Variants in CLYBL observed in about 807,000 individuals in gnomAD.
CLYBL encodes the protein citramalyl-CoA lyase, mitochondrial.
In CLYBL, 31 loss-of-function variants were observed where a neutral mutation model predicts 38.9. That is an observed-to-expected ratio of 0.80 (90% CI 0.60 to 1.08). The LOEUF is 1.08. CLYBL is among the 50% of genes least tolerant of loss of function. The pLI is 0.00. For missense variants in CLYBL, 434 were observed against 411.6 expected, an observed-to-expected ratio of 1.05 and a Z score of -0.47; for synonymous variants, 171 against 158.6, an observed-to-expected ratio of 1.08 and a Z score of -0.59.
intron 1 of CLYBL, among the ~76,000 whole-genome samples, chr13:99,639,050 G>C (rs986038235): frequency 6.6e-6 from 1 of 152,168 alleles, no homozygotes; most frequent in African/African-American, 2.4e-5. Flanking sequence ...TTAGGTCTGA[G>C]TCAACTGCAT....
intron 1 of CLYBL, among the ~76,000 whole-genome samples, chr13:99,626,958 T>C (rs78034703): frequency 0.04 from 6,085 of 150,400 alleles, 443 homozygotes; most frequent in African/African-American, 0.14. Context: ...TCTGCAGTTA[T>C]GACTCATCTA....
At chr13:99,665,599 A>C (rs934557259) in intron 1 of CLYBL, among the ~76,000 whole-genome samples, 13 of 152,064 alleles carry the variant, frequency 8.5e-5, no homozygotes, top group Admixed American at 3.9e-4. Context: ...AAAAAAAAAA[A>C]CCCAAAACTC....
chr13:99,610,693 A>C (rs2046612837), intron 1 of CLYBL, among the ~76,000 whole-genome samples: 1 of 152,190 alleles, frequency 6.6e-6, no homozygotes, highest in African/African-American at 2.4e-5. Flanking sequence ...TTAGCTAGAC[A>C]TGAGCACTTA....
At chr13:99,693,240 G>A (rs543621736) in intron 1 of CLYBL, among the ~76,000 whole-genome samples, 106 of 152,192 alleles carry the variant, frequency 7.0e-4, no homozygotes, top group African/African-American at 2.5e-3. Context: ...AGTTTCTTGA[G>A]ACAGGGATTA....
intron 1 of CLYBL, among the ~76,000 whole-genome samples, chr13:99,755,371 C>T (rs2138711984): frequency 6.6e-6 from 1 of 152,280 alleles, no homozygotes; most frequent in African/African-American, 2.4e-5. Flanking sequence ...TGATGCCGTA[C>T]TAATGGTCAG....
chr13:99,732,257 C>T (rs1040354900), intron 1 of CLYBL, among the ~76,000 whole-genome samples: 2 of 146,170 alleles, frequency 1.4e-5, no homozygotes, highest in African/African-American at 5.1e-5. Flanking sequence ...ACACGATTCA[C>T]TGCAGCCTCA....
At chr13:99,777,280 A>G (rs2049538073) in intron 2 of CLYBL, among the ~76,000 whole-genome samples, 1 of 152,156 alleles carries the variant, frequency 6.6e-6, no homozygotes, top group Non-Finnish European at 1.5e-5. Context: ...TTTTCATCAA[A>G]TGCCTTTTCA....
chr13:99,876,091 T>TA (rs1555323535), intron 7 of CLYBL, among the ~76,000 whole-genome samples: 10 of 149,064 alleles, frequency 6.7e-5, no homozygotes, highest in African/African-American at 2.5e-4. Flanking sequence ...TTTTTTTTTT[T>TA]AGTGGCAAAT....
chr13:99,870,565 A>G (rs1047126556), intron 6 of CLYBL, among the ~76,000 whole-genome samples: 2 of 152,180 alleles, frequency 1.3e-5, no homozygotes, highest in African/African-American at 4.8e-5. Flanking sequence ...ATTTTTTTCT[A>G]CTTCAACTCA....
At chr13:99,623,551 A>G (rs2139210554) in intron 1 of CLYBL, among the ~76,000 whole-genome samples, 1 of 152,042 alleles carries the variant, frequency 6.6e-6, no homozygotes, top group East Asian at 1.9e-4. Context: ...GAAGGCAAAC[A>G]CCCATGGGCT....
In CLYBL at chr13:99,770,719, T is replaced by C. The variant is rs1594171349; in HGVS notation, c.63-2105T>C. ...GCGCCCGGCCGGGTTTTAACTTTTC[T>C]TAACTGGCAGTTATTTTTTTTGAGA... On this transcript the variant is annotated intron_variant, in intron 1 of 8. Coordinates refer to ENST00000339105, the MANE Select transcript of CLYBL (RefSeq NM_206808.5). 2.0e-5 allele frequency among the ~76,000 whole-genome samples: 3 copies of C among 152,042 alleles called. 1 individual carries two copies. The South Asian group carries it at 6.2e-4, about 31-fold the overall frequency.
chr13:99,656,255 G>GTT (rs1307771416), intron 1 of CLYBL, among the ~76,000 whole-genome samples: 1 of 152,162 alleles, frequency 6.6e-6, no homozygotes, highest in African/African-American at 2.4e-5. Context: ...TTAGGGTGGC[G>GTT]TGTTTGTCAG....
rs533763899 is a variant in CLYBL, at chr13:99,616,035, T to C, written c.62+9278T>C. Reference sequence around the variant, plus strand: ...TTTTATTTTTTATTTTTAGTAGAGATGGGGTTTCACCATGTTGGTCAGGCT... The same window carrying C: ...TTTTATTTTTTATTTTTAGTAGAGACGGGGTTTCACCATGTTGGTCAGGCT... On this transcript the variant is annotated intron_variant, in intron 1 of 8. Transcript: ENST00000339105. 2.2e-4 allele frequency among the ~76,000 whole-genome samples: 34 copies of C among 151,902 alleles called. 1 individual carries two copies. The highest frequency in any genetic ancestry group is 4.3e-4 in the Non-Finnish European group (29 of 67,940).
chr13:99,617,496 C>T (rs967140640), intron 1 of CLYBL, among the ~76,000 whole-genome samples: 3 of 152,132 alleles, frequency 2.0e-5, no homozygotes, highest in African/African-American at 7.2e-5. Context: ...TGGCCAAAAA[C>T]AAAAGTTTAG....
intron 3 of CLYBL, among the ~76,000 whole-genome samples, chr13:99,859,522 CA>C (rs1331773151): frequency 1.3e-5 from 2 of 152,194 alleles, no homozygotes; most frequent in East Asian, 3.9e-4. Context: ...AGGAAAAGGT[CA>C]CTCTTTAGGG....
At chr13:99,670,157 C>T (rs370115376) in intron 1 of CLYBL, among the ~76,000 whole-genome samples, 1 of 152,030 alleles carries the variant, frequency 6.6e-6, no homozygotes, top group Admixed American at 6.6e-5. Flanking sequence ...TAAGATCGTG[C>T]CACTGCACTC....
At chr13:99,775,156 G>C (rs1325921405) in intron 2 of CLYBL, among the ~76,000 whole-genome samples, 1 of 152,182 alleles carries the variant, frequency 6.6e-6, no homozygotes, top group Admixed American at 6.5e-5. Context: ...TAGGTGCCCT[G>C]ATAAACTTCT....
intron 1 of CLYBL, among the ~76,000 whole-genome samples, chr13:99,696,403 G>T (rs9517836): frequency 0.28 from 42,372 of 151,604 alleles, 7,022 homozygotes; most frequent in East Asian, 0.54. Context: ...CTAATTTTTA[G>T]TTTTTTTATA....
chr13:99,687,347 A>G (rs768817324), intron 1 of CLYBL, among the ~76,000 whole-genome samples: 4 of 152,194 alleles, frequency 2.6e-5, no homozygotes, highest in Non-Finnish European at 5.9e-5. Context: ...TGCCTGGACT[A>G]TCTAGCATAC....
Sources: gnomAD v4.1 joint callset for allele counts (sites outside exome capture counted in the v4.1 genomes callset) on GRCh38, gnomAD v4.1.1 for gene constraint, MANE v1.5 for transcripts, NCBI Gene and HGNC (gene_info 2026-07-23, HGNC 2026-07-21) for gene names.